Variants in SYT14 observed in about 807,000 individuals in gnomAD.
SYT14 encodes the protein synaptotagmin-14.
Under a neutral mutation model 74.2 loss-of-function variants are expected in SYT14, and 32 were observed. That is an observed-to-expected ratio of 0.43 (90% CI 0.33 to 0.58). The LOEUF is 0.58. Ranked by LOEUF, SYT14 falls within the 20% of genes least tolerant of loss-of-function variation. The pLI, the probability that SYT14 is intolerant of heterozygous loss-of-function variation, is 0.05. For synonymous variants in SYT14, 298 were observed against 337.7 expected, an observed-to-expected ratio of 0.88 and a Z score of 1.29; for missense variants, 791 against 981.8, an observed-to-expected ratio of 0.81 and a Z score of 2.60.
At chr1:210,123,940 A>G (rs2082516299) in intron 7 of SYT14, among the ~76,000 whole-genome samples, 1 of 152,188 alleles carries the variant, frequency 6.6e-6, no homozygotes, top group Non-Finnish European at 1.5e-5. Flanking sequence ...AATGCTCAGA[A>G]AAAGGAACAG....
At chr1:210,052,198 T>C (rs1417948799) in intron 5 of SYT14, among the ~76,000 whole-genome samples, 2 of 152,052 alleles carry the variant, frequency 1.3e-5, no homozygotes, top group East Asian at 3.9e-4. Flanking sequence ...TTTTCCCCCA[T>C]GACAAAGTGT....
chr1:209,952,947 C>G, intron 2 of SYT14, 191 bp downstream of exon 2: 1 of 1,180,618 alleles, frequency 8.5e-7, no homozygotes, highest in Non-Finnish European at 1.2e-6. Flanking sequence ...AGAGTTGTTG[C>G]TTTATATTTA....
chr1:210,110,204 C>T (rs1309037904), intron 7 of SYT14, among the ~76,000 whole-genome samples: 2 of 152,046 alleles, frequency 1.3e-5, no homozygotes, highest in African/African-American at 4.8e-5. Context: ...CACCATGGCA[C>T]GTGTATACCT....
At chr1:210,049,423 A>AT (rs1384946216) in intron 5 of SYT14, among the ~76,000 whole-genome samples, 7 of 140,418 alleles carry the variant, frequency 5.0e-5, no homozygotes, top group South Asian at 4.5e-4. Flanking sequence ...GTGGATTTTG[A>AT]TTTTTTTTCT....
At chr1:209,971,463 G>A (rs892920800) in intron 2 of SYT14, among the ~76,000 whole-genome samples, 67 of 152,128 alleles carry the variant, frequency 4.4e-4, no homozygotes, top group African/African-American at 1.6e-3. Context: ...TCTTGTTCCA[G>A]TTCTCAAGGG....
At chr1:210,016,482 G>C in exon 4 of SYT14, 1 of 1,232,034 alleles carries the variant, frequency 8.1e-7, no homozygotes, top group Non-Finnish European at 1.0e-6. Context: ...CAGAATACAA[G>C]GGCTGGATCT....
At chr1:210,072,454 AAT>A (rs2081412616) in intron 5 of SYT14, among the ~76,000 whole-genome samples, 1 of 151,962 alleles carries the variant, frequency 6.6e-6, no homozygotes, top group Non-Finnish European at 1.5e-5. Flanking sequence ...CACTGTTAGA[AAT>A]AGTATGGGCA....
At chr1:210,102,411 T>C (rs1178134573) in intron 7 of SYT14, among the ~76,000 whole-genome samples, 1 of 152,212 alleles carries the variant, frequency 6.6e-6, no homozygotes, top group Non-Finnish European at 1.5e-5. Context: ...GTCACTTTCC[T>C]TCTTTCTCCA....
chr1:210,115,478 C>T (rs1558199198), intron 7 of SYT14, among the ~76,000 whole-genome samples: 1 of 151,332 alleles, frequency 6.6e-6, no homozygotes, highest in African/African-American at 2.5e-5. Context: ...GGCGTCCCCG[C>T]AGTGATTAAA....
intron 2 of SYT14, among the ~76,000 whole-genome samples, chr1:209,969,082 A>AT (rs2079203005): frequency 6.6e-6 from 1 of 151,918 alleles, no homozygotes; most frequent in Non-Finnish European, 1.5e-5. Context: ...TGATTTCATT[A>AT]TTTTTTATGG....
chr1:209,938,249 C>T, exon 1 of SYT14: 2 of 1,557,214 alleles, frequency 1.3e-6, no homozygotes, highest in South Asian at 1.2e-5. Context: ...TTGGTGCGGT[C>T]CATGGCGAGC....
At chr1:210,105,785 G>A (rs937745866) in intron 7 of SYT14, among the ~76,000 whole-genome samples, 17 of 152,114 alleles carry the variant, frequency 1.1e-4, no homozygotes, top group African/African-American at 3.4e-4. Flanking sequence ...TCTTGCTGCC[G>A]TCCTCACGAT....
At chr1:210,019,131 C>CAAAAAAA (rs1215149823) in intron 4 of SYT14, among the ~76,000 whole-genome samples, 6 of 56,630 alleles carry the variant, frequency 1.1e-4, no homozygotes, top group South Asian at 9.9e-4. Flanking sequence ...TGAGACTCCT[C>CAAAAAAA]AAAAAAAAAA....
At chr1:210,157,301 G>T (rs575016715) in intron 8 of SYT14, among the ~76,000 whole-genome samples, 7 of 151,534 alleles carry the variant, frequency 4.6e-5, no homozygotes, top group Non-Finnish European at 8.8e-5. Flanking sequence ...AATTAGTCAG[G>T]CATGGTGGCT....
intron 2 of SYT14, among the ~76,000 whole-genome samples, chr1:210,003,092 G>A (rs1343381624): frequency 6.6e-6 from 1 of 152,016 alleles, no homozygotes; most frequent in African/African-American, 2.4e-5. Flanking sequence ...TAGATCTATA[G>A]TCTATCTAGA....
chr1:210,060,824 A>T (rs1258150759), intron 5 of SYT14, among the ~76,000 whole-genome samples: 1 of 152,046 alleles, frequency 6.6e-6, no homozygotes, highest in Non-Finnish European at 1.5e-5. Context: ...TGGCAGTTGA[A>T]TTGCTATAAA....
chr1:209,960,190 A>C (rs1004099020), intron 2 of SYT14, among the ~76,000 whole-genome samples: 1 of 152,258 alleles, frequency 6.6e-6, no homozygotes, highest in Non-Finnish European at 1.5e-5. Context: ...GTCCTGGCCT[A>C]TTAGTATTTT....
At chr1:209,972,346 A>G (rs992686382) in intron 2 of SYT14, among the ~76,000 whole-genome samples, 5 of 151,684 alleles carry the variant, frequency 3.3e-5, no homozygotes, top group African/African-American at 1.2e-4. Context: ...TTGGGGTCTC[A>G]GTTTCCTTCA....
intron 2 of SYT14, among the ~76,000 whole-genome samples, chr1:209,962,673 T>C (rs1320595254): frequency 2.0e-5 from 3 of 152,110 alleles, no homozygotes; most frequent in Non-Finnish European, 4.4e-5. Context: ...TAAATTAACA[T>C]ATACGCTAAG....
Sources: allele counts gnomAD v4.1 joint callset (sites outside exome capture counted in the v4.1 genomes callset), GRCh38; gene constraint gnomAD v4.1.1; transcripts MANE v1.5; gene names NCBI Gene and HGNC (gene_info 2026-07-23, HGNC 2026-07-21).